The following MYO1B variants were observed in gnomAD, a reference collection of about 807,000 sequenced individuals.
MYO1B encodes unconventional myosin-Ib.
In MYO1B, 72 loss-of-function variants were observed where a neutral mutation model predicts 159.7. The observed-to-expected ratio is 0.45, with a 90% CI of 0.37 to 0.55. MYO1B has a LOEUF of 0.55. Ranked by LOEUF, MYO1B falls within the 20% of genes least tolerant of loss-of-function variation. The probability of loss-of-function intolerance (pLI) is 0.00; values close to 1 mark genes in which losing one functional copy is unlikely to be tolerated. For missense variants in MYO1B, 1,062 were observed against 1,364.8 expected, an observed-to-expected ratio of 0.78 and a Z score of 3.50; for synonymous variants, 468 against 473.8, an observed-to-expected ratio of 0.99 and a Z score of 0.16.
At chr2:191,413,243 A>T (rs907206045) in intron 27 of MYO1B, among the ~76,000 whole-genome samples, 1 of 152,234 alleles carries the variant, frequency 6.6e-6, no homozygotes, top group East Asian at 1.9e-4. Flanking sequence ...CACCTAACCT[A>T]CTGAACACAA....
chr2:191,375,515 G>GATAGATAGATAGATA (rs1181623613), intron 13 of MYO1B, among the ~76,000 whole-genome samples: 1 of 84,850 alleles, frequency 1.2e-5, no homozygotes. Flanking sequence ...ATAGATAGAT[G>GATAGATAGATAGATA]GATCCAACTG....
chr2:191,247,442 A>G (rs1173028964), intron 1 of MYO1B, among the ~76,000 whole-genome samples: 1 of 152,144 alleles, frequency 6.6e-6, no homozygotes, highest in African/African-American at 2.4e-5. Flanking sequence ...GCTACTGCTG[A>G]GGGTTTGTCT....
At chr2:191,315,949 G>A (rs1690319906) in intron 3 of MYO1B, among the ~76,000 whole-genome samples, 1 of 152,184 alleles carries the variant, frequency 6.6e-6, no homozygotes, top group Non-Finnish European at 1.5e-5. Flanking sequence ...TTTCGGCTCC[G>A]TAGGTGCCTA....
At chr2:191,395,838 T>G (rs10439313) in intron 20 of MYO1B, among the ~76,000 whole-genome samples, 8,507 of 152,314 alleles carry the variant, frequency 0.056, 802 homozygotes, top group African/African-American at 0.19. Flanking sequence ...CTTCAACTCC[T>G]TGAGGGCAGG....
chr2:191,314,577 G>A (rs1487843493), intron 3 of MYO1B, among the ~76,000 whole-genome samples: 1 of 152,188 alleles, frequency 6.6e-6, no homozygotes, highest in Non-Finnish European at 1.5e-5. Flanking sequence ...GTTCTAACCA[G>A]CTTTGAAACT....
chr2:191,298,454 A>G (rs771891206), intron 3 of MYO1B, among the ~76,000 whole-genome samples: 17 of 152,304 alleles, frequency 1.1e-4, no homozygotes, highest in South Asian at 2.1e-4. Flanking sequence ...GCTTGGACCA[A>G]TTGTATCAGA....
In MYO1B at chr2:191,390,486, C is replaced by A. The variant is rs1462803163; in HGVS notation, c.1976C>A (p.Pro659Gln). 6.2e-7 allele frequency: 1 copy of A among 1,612,244 alleles called. No individual in the cohort carries two copies. ...CKQTWPHWKG[P>Q]ARSGVEVLFN... ...CAAACATGGCCTCATTGGAAAGGAC[C>A]AGCCAGGTAAGAAATTCAGTGACCA... The change falls in exon 18 of 31, where the codon CCA (proline) becomes CAA (glutamine). Residue 659 changes from proline (P) to glutamine (Q), a missense_variant. Physicochemically the swap from Pro to Gln is moderately conservative, Grantham distance 76. This residue lies in a region of MYO1B where 609 missense variants were observed against 744.4 expected (regional missense o/e 0.82). Coordinates refer to ENST00000392318, the MANE Select transcript of MYO1B (RefSeq NM_001130158.3).
intron 14 of MYO1B, among the ~76,000 whole-genome samples, chr2:191,381,952 T>C (rs1695063455): frequency 6.6e-6 from 1 of 152,224 alleles, no homozygotes; most frequent in Non-Finnish European, 1.5e-5. Flanking sequence ...TATTCAAATT[T>C]ATAGTAAAAA....
intron 30 of MYO1B, among the ~76,000 whole-genome samples, chr2:191,420,746 T>C (rs936907785): frequency 1.3e-5 from 2 of 152,348 alleles, no homozygotes; most frequent in African/African-American, 4.8e-5. Context: ...TATATACATA[T>C]AGGTATACAC....
Position 191,416,087 on chromosome 2 carries a change from A to G in MYO1B, c.3160-28A>G, listed in dbSNP as rs185663135. On this transcript the variant is annotated intron_variant, in intron 29 of 30. Coordinates refer to ENST00000392318, the MANE Select transcript of MYO1B (RefSeq NM_001130158.3). The stretch of plus-strand genomic sequence containing the variant: ...TTGACCTTCTAAGGTATCTTTAATT[A>G]TGACCGACTCTTGGTTTGTCCTTGC... 1.6e-4 allele frequency: 262 copies of G among 1,604,688 alleles called. 3 individuals carry two copies. The Middle Eastern group carries it at 3.7e-3, about 22-fold the overall frequency.
At chr2:191,287,373 C>A (rs1368761118) in intron 2 of MYO1B, among the ~76,000 whole-genome samples, 1 of 149,520 alleles carries the variant, frequency 6.7e-6, no homozygotes, top group African/African-American at 2.5e-5. Context: ...ACTAAAAATA[C>A]AAAAAAATTA....
chr2:191,414,010 G>A (rs1466244715), intron 27 of MYO1B, 38 bp from the exon 28 acceptor site: 1 of 1,553,164 alleles, frequency 6.4e-7, no homozygotes, highest in East Asian at 2.3e-5. Context: ...ACTTTCATTT[G>A]AAACTATTTC....
Position 191,362,350 on chromosome 2 carries a change from A to T in MYO1B, c.744A>T (p.Ala248=). Reference sequence around the variant, plus strand: ...CCAAAGTGAATGGAGTGGATGATGCAGCAAATTTTAGAACCGTGCGGGTAA... The same window carrying T: ...CCAAAGTGAATGGAGTGGATGATGCTGCAAATTTTAGAACCGTGCGGGTAA... ...DSAKVNGVDD[A]ANFRTVRNAM... The change falls in exon 9 of 31, where the codon GCA becomes GCT. Residue 248 remains alanine (A), a synonymous_variant. Transcript: ENST00000392318. The T allele has an allele frequency of 1.2e-6, 2 of 1,613,794 alleles. No individual in the cohort carries two copies. The highest frequency in any genetic ancestry group is 1.7e-6 in the Non-Finnish European group (2 of 1,179,760).
chr2:191,251,907 C>T (rs1229837028), intron 1 of MYO1B, among the ~76,000 whole-genome samples: 1 of 152,162 alleles, frequency 6.6e-6, no homozygotes, highest in Non-Finnish European at 1.5e-5. Context: ...TTAACATTTT[C>T]CAGTGTACAC....
intron 2 of MYO1B, among the ~76,000 whole-genome samples, chr2:191,294,191 A>T (rs1688848532): frequency 6.6e-6 from 1 of 152,206 alleles, no homozygotes. Flanking sequence ...TTGATTTTGA[A>T]TTTGAGGCAA....
At chr2:191,300,595 G>C (rs36028476) in intron 3 of MYO1B, among the ~76,000 whole-genome samples, 9 of 143,170 alleles carry the variant, frequency 6.3e-5, no homozygotes, top group South Asian at 2.2e-4. Context: ...ACCCTCCTCC[G>C]CCTCCCAAAG....
intron 3 of MYO1B, among the ~76,000 whole-genome samples, chr2:191,307,202 T>C (rs1689700036): frequency 6.6e-6 from 1 of 151,860 alleles, no homozygotes; most frequent in Non-Finnish European, 1.5e-5. Flanking sequence ...GGGAAAGGGA[T>C]GGGCAATTCC....
chr2:191,408,973 A>G (rs1183526389), intron 25 of MYO1B, 71 bp from the exon 26 acceptor site: 18 of 1,449,050 alleles, frequency 1.2e-5, no homozygotes, highest in Non-Finnish European at 1.7e-5. Context: ...TTATTTGATC[A>G]TGATGTATGT....
intron 7 of MYO1B, among the ~76,000 whole-genome samples, chr2:191,354,262 TAATA>T (rs1199607676): frequency 1.7e-5 from 1 of 59,440 alleles, no homozygotes; most frequent in African/African-American, 4.6e-5. Flanking sequence ...TCTTAAATAA[TAATA>T]ATAATAATAA....
Sources: allele counts gnomAD v4.1 joint callset (sites outside exome capture counted in the v4.1 genomes callset), GRCh38; gene constraint gnomAD v4.1.1; regional missense constraint gnomAD v4.1.1; transcripts MANE v1.5; gene names NCBI Gene and HGNC (gene_info 2026-07-23, HGNC 2026-07-21).